CNTN5: variants seen among roughly 807,000 people sequenced by gnomAD.
The protein encoded by CNTN5 is contactin-5.
Under a neutral mutation model 129.1 loss-of-function variants are expected in CNTN5, and 77 were observed. The ratio of observed to expected loss-of-function variants is 0.60; its 90% CI spans 0.50 to 0.72. CNTN5 has a LOEUF of 0.72. CNTN5 is among the 30% of genes least tolerant of loss of function. The pLI, the probability that CNTN5 is intolerant of heterozygous loss-of-function variation, is 0.00. For synonymous variants in CNTN5, 509 were observed against 465.6 expected, an observed-to-expected ratio of 1.09 and a Z score of -1.20; for missense variants, 1,478 against 1,328.8, an observed-to-expected ratio of 1.11 and a Z score of -1.75.
chr11:99,655,612 T>C (rs1952326493), intron 3 of CNTN5, among the ~76,000 whole-genome samples: 1 of 152,178 alleles, frequency 6.6e-6, no homozygotes, highest in Non-Finnish European at 1.5e-5. Flanking sequence ...TCTTGGGGAC[T>C]GTGGGATTAA....
At chr11:99,705,194 T>C (rs1026483921) in intron 3 of CNTN5, among the ~76,000 whole-genome samples, 1 of 151,368 alleles carries the variant, frequency 6.6e-6, no homozygotes, top group Non-Finnish European at 1.5e-5. Flanking sequence ...AGATTGTGCT[T>C]TATTATTGTA....
chr11:100,316,314 G>A (rs573448752), intron 21 of CNTN5, among the ~76,000 whole-genome samples: 15 of 152,100 alleles, frequency 9.9e-5, no homozygotes, highest in East Asian at 3.9e-4. Flanking sequence ...ATTCAGTATC[G>A]GGCACTATGC....
At chr11:99,123,125 C>T (rs543494528) in intron 1 of CNTN5, among the ~76,000 whole-genome samples, 47 of 152,108 alleles carry the variant, frequency 3.1e-4, no homozygotes, top group African/African-American at 1.1e-3. Flanking sequence ...TGCCACACTG[C>T]TTTCTACAAT....
intron 9 of CNTN5, among the ~76,000 whole-genome samples, chr11:100,022,950 T>C (rs941934797): frequency 6.6e-5 from 10 of 152,158 alleles, no homozygotes; most frequent in African/African-American, 2.4e-4. Flanking sequence ...CTTTCAAGAT[T>C]ATCTCTTTAT....
chr11:99,952,829 A>G (rs1323222647), intron 7 of CNTN5, among the ~76,000 whole-genome samples: 1 of 152,208 alleles, frequency 6.6e-6, no homozygotes, highest in Non-Finnish European at 1.5e-5. Flanking sequence ...TGAGAATCTT[A>G]CCATAAAGTT....
chr11:99,586,570 G>C (rs558916588), intron 3 of CNTN5, among the ~76,000 whole-genome samples: 2 of 152,036 alleles, frequency 1.3e-5, no homozygotes, highest in Non-Finnish European at 2.9e-5. Context: ...CAATAAATTA[G>C]TACAATACCT....
At chr11:99,502,867 T>C (rs1203981780) in intron 2 of CNTN5, among the ~76,000 whole-genome samples, 3 of 152,172 alleles carry the variant, frequency 2.0e-5, no homozygotes, top group Admixed American at 1.3e-4. Flanking sequence ...CTTTAACATG[T>C]CTTCTCCTTC....
At chr11:99,301,841 C>G (rs541017198) in intron 1 of CNTN5, among the ~76,000 whole-genome samples, 1 of 151,446 alleles carries the variant, frequency 6.6e-6, no homozygotes, top group Admixed American at 6.6e-5. Context: ...ACGTGACAAT[C>G]GTAAATAAGT....
chr11:99,720,241 G>A (rs1943127173), intron 3 of CNTN5, among the ~76,000 whole-genome samples: 1 of 152,010 alleles, frequency 6.6e-6, no homozygotes, highest in Admixed American at 6.6e-5. Context: ...AAGACTTCAG[G>A]CCAATATCCT....
At position 99,063,418 on chromosome 11, in the gene CNTN5, A is replaced by G. The variant is rs1591127982; in HGVS notation, c.-210+42148A>G. Among the ~76,000 whole-genome samples the G allele has an allele frequency of 2.0e-5, 3 of 152,142 alleles. No individual in the cohort carries two copies. The South Asian group carries it at 6.2e-4, about 32-fold the overall frequency. On this transcript the variant is annotated intron_variant, in intron 1 of 24. Transcript: ENST00000524871. ...ACAAAATTGTATTGCTTACTTTGTGAGTGTTAAGAATCATATAAAAGAAGA... is the reference window on the plus strand; with the variant it reads ...ACAAAATTGTATTGCTTACTTTGTGGGTGTTAAGAATCATATAAAAGAAGA...
chr11:99,333,411 A>T (rs1253228082), intron 2 of CNTN5, among the ~76,000 whole-genome samples: 2 of 151,990 alleles, frequency 1.3e-5, no homozygotes, highest in African/African-American at 2.4e-5. Flanking sequence ...GCTTTATAGA[A>T]TGGGGAAAAT....
At chr11:99,730,979 G>A (rs1389854718) in intron 3 of CNTN5, among the ~76,000 whole-genome samples, 1 of 152,038 alleles carries the variant, frequency 6.6e-6, no homozygotes, top group Non-Finnish European at 1.5e-5. Context: ...GGTAACTATA[G>A]TTGTACTCTC....
intron 17 of CNTN5, among the ~76,000 whole-genome samples, chr11:100,270,416 A>T: frequency 6.6e-6 from 1 of 152,132 alleles, no homozygotes; most frequent in East Asian, 1.9e-4. Flanking sequence ...CTGCCTTTTC[A>T]CTCCTGTAAC....
intron 1 of CNTN5, among the ~76,000 whole-genome samples, chr11:99,144,552 TC>T (rs1462398452): frequency 3.9e-5 from 6 of 152,160 alleles, no homozygotes; most frequent in Non-Finnish European, 2.9e-5. Flanking sequence ...CTCCTGGAAC[TC>T]CCAGAATTTT....
intron 2 of CNTN5, among the ~76,000 whole-genome samples, chr11:99,355,158 G>T (rs1381584284): frequency 1.3e-5 from 2 of 152,088 alleles, no homozygotes; most frequent in Non-Finnish European, 2.9e-5. Context: ...ACTTTCCATT[G>T]ATTGTAACAT....
intron 2 of CNTN5, among the ~76,000 whole-genome samples, chr11:99,326,473 T>C (rs1865791042): frequency 6.6e-6 from 1 of 152,168 alleles, no homozygotes; most frequent in Non-Finnish European, 1.5e-5. Context: ...GCTTGAAAAT[T>C]AGCATTAAAG....
intron 2 of CNTN5, among the ~76,000 whole-genome samples, chr11:99,532,870 A>T (rs1241501989): frequency 1.3e-5 from 2 of 152,210 alleles, no homozygotes; most frequent in Admixed American, 6.5e-5. Flanking sequence ...TAGTACAGGT[A>T]TTTAACCAGT....
intron 15 of CNTN5, among the ~76,000 whole-genome samples, chr11:100,197,409 T>A (rs1948668208): frequency 6.6e-6 from 1 of 151,952 alleles, no homozygotes; most frequent in Non-Finnish European, 1.5e-5. Context: ...GTTTGTGGAT[T>A]TTACATTCAG....
chr11:99,151,204 T>C (rs1860035481), intron 1 of CNTN5, among the ~76,000 whole-genome samples: 1 of 151,824 alleles, frequency 6.6e-6, no homozygotes, highest in Non-Finnish European at 1.5e-5. Context: ...TTTGTCAACT[T>C]TTTTTTTAAG....
Sources: gnomAD v4.1 joint callset for allele counts (sites outside exome capture counted in the v4.1 genomes callset) on GRCh38, gnomAD v4.1.1 for gene constraint, MANE v1.5 for transcripts, NCBI Gene and HGNC (gene_info 2026-07-23, HGNC 2026-07-21) for gene names.